TMTC1: variants seen among roughly 807,000 people sequenced by gnomAD.
TMTC1 encodes protein O-mannosyl-transferase TMTC1.
TMTC1 carries 73 observed loss-of-function variants against 104.8 expected under a neutral mutation model. The ratio of observed to expected loss-of-function variants is 0.70; its 90% CI spans 0.58 to 0.85. The LOEUF (loss-of-function observed/expected upper bound fraction) is 0.85, where lower values mean the gene tolerates loss of function less well. Among genes scored for constraint, TMTC1 ranks in the 40% least tolerant of loss-of-function variants. TMTC1 has a pLI of 0.00. For missense variants in TMTC1, 1,035 were observed against 1,096.1 expected, an observed-to-expected ratio of 0.94 and a Z score of 0.79; for synonymous variants, 434 against 428.7, an observed-to-expected ratio of 1.01 and a Z score of -0.15.
intron 17 of TMTC1, among the ~76,000 whole-genome samples, chr12:29,511,715 C>A (rs1943842039): frequency 6.6e-6 from 1 of 152,146 alleles, no homozygotes; most frequent in East Asian, 1.9e-4. Context: ...AGCTACTGAG[C>A]TTGAACAACG....
At chr12:29,706,000 T>A (rs1259295021) in intron 5 of TMTC1, among the ~76,000 whole-genome samples, 1 of 152,172 alleles carries the variant, frequency 6.6e-6, no homozygotes, top group Non-Finnish European at 1.5e-5. Flanking sequence ...CTTCTAATTA[T>A]AATTTCTCTC....
chr12:29,624,783 T>C (rs1937890373), intron 6 of TMTC1, among the ~76,000 whole-genome samples: 1 of 152,222 alleles, frequency 6.6e-6, no homozygotes, highest in African/African-American at 2.4e-5. Flanking sequence ...AGGTGGGACT[T>C]TCATTTTGTT....
chr12:29,701,684 T>C (rs1941598806), intron 5 of TMTC1, among the ~76,000 whole-genome samples: 1 of 152,218 alleles, frequency 6.6e-6, no homozygotes, highest in Non-Finnish European at 1.5e-5. Context: ...AATAGCTTAC[T>C]AAATGCTTTC....
intron 6 of TMTC1, among the ~76,000 whole-genome samples, chr12:29,627,947 C>A (rs772582163): frequency 3.3e-5 from 5 of 152,186 alleles, no homozygotes; most frequent in Non-Finnish European, 7.3e-5. Context: ...GACGCAGCTT[C>A]CTTATCCTCA....
At chr12:29,519,084 C>T (rs1324414062) in intron 12 of TMTC1, 1 of 152,552 alleles carries the variant, frequency 6.6e-6, no homozygotes, top group East Asian at 1.9e-4. Context: ...TTAAATAACA[C>T]ATATCAGCTC....
At chr12:29,758,853 A>T in intron 2 of TMTC1, 76 bp from the exon 3 acceptor site, 1 of 1,255,978 alleles carries the variant, frequency 8.0e-7, no homozygotes, top group Non-Finnish European at 1.1e-6. Flanking sequence ...TCCATTACAG[A>T]AATGTATTTG....
At chr12:29,624,812 AACCAAAAGGCACT>A (rs1359700826) in intron 6 of TMTC1, among the ~76,000 whole-genome samples, 2 of 152,242 alleles carry the variant, frequency 1.3e-5, no homozygotes, top group Non-Finnish European at 2.9e-5. Context: ...TAATCACAGC[AACCAAAAGGCACT>A]CAATCAATAT....
intron 10 of TMTC1, among the ~76,000 whole-genome samples, chr12:29,545,687 T>G (rs1944925957): frequency 9.5e-6 from 1 of 105,272 alleles, no homozygotes; most frequent in Non-Finnish European, 1.9e-5. Flanking sequence ...GGATAGAAAC[T>G]AAGCCTCAGC....
chr12:29,688,350 C>T (rs1941160858), intron 5 of TMTC1, among the ~76,000 whole-genome samples: 1 of 152,208 alleles, frequency 6.6e-6, no homozygotes, highest in African/African-American at 2.4e-5. Flanking sequence ...AAATCTCATA[C>T]CATACTCTTC....
At chr12:29,746,451 G>A (rs1427489670) in intron 5 of TMTC1, among the ~76,000 whole-genome samples, 1 of 152,154 alleles carries the variant, frequency 6.6e-6, no homozygotes, top group African/African-American at 2.4e-5. Flanking sequence ...GTACGAGGCT[G>A]TTAATAATCT....
Position 29,507,948 on chromosome 12 carries a change from A to C in TMTC1, c.2509-962T>G, listed in dbSNP as rs73280545. On this transcript the variant is annotated intron_variant, in intron 17 of 17. Coordinates refer to ENST00000539277, the MANE Select transcript of TMTC1 (RefSeq NM_001193451.2). ...ACCCTCTACATTTCCATCACAATTA[A>C]AAATTGTATCTCTTAGAGTGAAGAC... Among the ~76,000 whole-genome samples, 1,013 of 152,312 alleles carry C rather than the reference A, an allele frequency of 6.7e-3. 11 individuals are homozygous for C. The highest frequency in any genetic ancestry group is 0.023 in the African/African-American group (941 of 41,552).
At chr12:29,697,962 A>G (rs1445974006) in intron 5 of TMTC1, among the ~76,000 whole-genome samples, 3 of 152,130 alleles carry the variant, frequency 2.0e-5, no homozygotes, top group Non-Finnish European at 4.4e-5. Flanking sequence ...GGTCTAGCCA[A>G]GTTGATATCC....
intron 5 of TMTC1, among the ~76,000 whole-genome samples, chr12:29,739,377 T>C (rs1006019065): frequency 2.0e-5 from 3 of 152,216 alleles, no homozygotes; most frequent in Admixed American, 2.0e-4. Flanking sequence ...CTATGCTTTC[T>C]GCCTGGAGAT....
intron 5 of TMTC1, among the ~76,000 whole-genome samples, chr12:29,695,496 G>C (rs946352280): frequency 6.6e-6 from 1 of 151,634 alleles, no homozygotes; most frequent in African/African-American, 2.4e-5. Context: ...TAGTAGAGAC[G>C]GGGTTTCACC....
intron 5 of TMTC1, among the ~76,000 whole-genome samples, chr12:29,724,766 G>A (rs1942335459): frequency 6.6e-6 from 1 of 151,990 alleles, no homozygotes; most frequent in African/African-American, 2.4e-5. Context: ...TCACAATAAT[G>A]TTACCTCTGA....
intron 10 of TMTC1, among the ~76,000 whole-genome samples, chr12:29,554,888 G>A (rs1005882975): frequency 3.3e-5 from 5 of 152,016 alleles, no homozygotes; most frequent in Admixed American, 6.6e-5. Context: ...GAAGCACACC[G>A]AATGTGTTTT....
intron 10 of TMTC1, among the ~76,000 whole-genome samples, chr12:29,544,984 C>A (rs1029685903): frequency 6.6e-6 from 1 of 152,132 alleles, no homozygotes; most frequent in Admixed American, 6.6e-5. Context: ...TAATCTCTAC[C>A]TCTCTAGGTT....
At chr12:29,734,791 G>A (rs1290276288) in intron 5 of TMTC1, among the ~76,000 whole-genome samples, 3 of 152,010 alleles carry the variant, frequency 2.0e-5, no homozygotes, top group Non-Finnish European at 4.4e-5. Context: ...AGCTGTTACG[G>A]TAAATATTTC....
chr12:29,780,251 C>T (rs1943803268), intron 1 of TMTC1, among the ~76,000 whole-genome samples: 1 of 152,176 alleles, frequency 6.6e-6, no homozygotes, highest in Non-Finnish European at 1.5e-5. Flanking sequence ...ACCTAGATGT[C>T]CCCAACAGGT....
Sources: gnomAD v4.1 joint callset for allele counts (sites outside exome capture counted in the v4.1 genomes callset) on GRCh38, gnomAD v4.1.1 for gene constraint, MANE v1.5 for transcripts, NCBI Gene and HGNC (gene_info 2026-07-23, HGNC 2026-07-21) for gene names.